The following SREBF2 variants were observed in gnomAD, a reference collection of about 807,000 sequenced individuals.
The protein encoded by SREBF2 is sterol regulatory element-binding protein 2.
Under a neutral mutation model 113.1 loss-of-function variants are expected in SREBF2, and 55 were observed. The ratio of observed to expected loss-of-function variants is 0.49; its 90% CI spans 0.39 to 0.61. SREBF2 has a LOEUF of 0.61. SREBF2 is among the 20% of genes least tolerant of loss of function. The pLI is 0.00. For synonymous variants in SREBF2, 593 were observed against 605.7 expected (o/e 0.98, Z 0.31); for missense variants, 1,349 against 1,487.4 (o/e 0.91, Z 1.53).
intron 10 of SREBF2, among the ~76,000 whole-genome samples, chr22:41,882,084 A>G (rs572912789): frequency 5.9e-5 from 9 of 152,094 alleles, no homozygotes; most frequent in Non-Finnish European, 1.3e-4. Flanking sequence ...GCAGATAAGG[A>G]GTGGATCCCA....
chr22:41,837,557 A>G (rs1333017020), intron 1 of SREBF2, among the ~76,000 whole-genome samples: 1 of 102,334 alleles, frequency 9.8e-6, no homozygotes, highest in East Asian at 2.5e-4. Context: ...GACTCTGTCT[A>G]AAAAAAAAAA....
intron 1 of SREBF2, among the ~76,000 whole-genome samples, chr22:41,851,775 A>G (rs1248101235): frequency 2.6e-5 from 4 of 151,088 alleles, no homozygotes; most frequent in Non-Finnish European, 5.9e-5. Context: ...TATTACAGGC[A>G]TGAGCCACCG....
chr22:41,892,123 A>C (rs2077369550), intron 11 of SREBF2, among the ~76,000 whole-genome samples: 2 of 152,110 alleles, frequency 1.3e-5, no homozygotes, highest in South Asian at 4.1e-4. Flanking sequence ...CCGCCCTTGC[A>C]GGGCCAGCTT....
At chr22:41,884,554 T>G (rs956575177) in intron 10 of SREBF2, among the ~76,000 whole-genome samples, 5 of 152,266 alleles carry the variant, frequency 3.3e-5, no homozygotes, top group Non-Finnish European at 5.9e-5. Flanking sequence ...GACATTGTTA[T>G]GTTGCACTGT....
At position 41,833,533 on chromosome 22, in the gene SREBF2, G is replaced by A; in HGVS notation, c.88+175G>A. On this transcript the variant is annotated intron_variant, in intron 1 of 18. Transcript: ENST00000361204. The surrounding 1 kb of genome is among the most constrained non-coding windows in gnomAD (Gnocchi z 4.1). ...CTTCCGGCGCTGCGAGCGTGAGCCC[G>A]ACCCAGCTGCGCCGCTCCGGGAGGC... is the stretch of plus-strand genomic sequence containing the variant. The A allele has an allele frequency of 2.0e-6, 1 of 511,550 alleles. No individual in the cohort carries two copies. Among genetic ancestry groups the A allele is most frequent in the Non-Finnish European group, 3.3e-6 (1 of 302,434 alleles). The allele number at this position is 511,550 out of a possible 1,614,324, so 31.7% of individuals were successfully genotyped here. A position where few individuals can be genotyped will look rare whatever the true frequency, so the allele number is the denominator to read the frequency against.
chr22:41,871,706 AC>A (rs2044456823), intron 4 of SREBF2, among the ~76,000 whole-genome samples: 2 of 151,830 alleles, frequency 1.3e-5, no homozygotes, highest in South Asian at 4.2e-4. Context: ...AGCCTGGCCA[AC>A]ACGGTGAAAC....
intron 9 of SREBF2, 34 bp from the exon 10 acceptor site, chr22:41,880,682 C>T: frequency 6.2e-7 from 1 of 1,614,026 alleles, no homozygotes; most frequent in Non-Finnish European, 8.5e-7. Context: ...CGGAGCAAGG[C>T]CAGTGACCAT....
At chr22:41,837,858 C>CAAAA (rs35054500) in intron 1 of SREBF2, among the ~76,000 whole-genome samples, 1 of 102,916 alleles carries the variant, frequency 9.7e-6, no homozygotes, top group Non-Finnish European at 1.8e-5. Flanking sequence ...GACTCTGTCT[C>CAAAA]AAAAAAAAAA....
chr22:41,872,513 G>A (rs2077154586), intron 4 of SREBF2, among the ~76,000 whole-genome samples: 2 of 152,046 alleles, frequency 1.3e-5, no homozygotes, highest in African/African-American at 2.4e-5. Flanking sequence ...TGTGCATGAC[G>A]TACTTATTGG....
At chr22:41,878,393 G>A (rs1448048140) in intron 9 of SREBF2, among the ~76,000 whole-genome samples, 3 of 152,144 alleles carry the variant, frequency 2.0e-5, no homozygotes, top group Admixed American at 6.5e-5. Flanking sequence ...GCCAAGAGTA[G>A]GAAGGAAGGG....
At chr22:41,857,911 C>G (rs1415091581) in intron 1 of SREBF2, among the ~76,000 whole-genome samples, 1 of 152,200 alleles carries the variant, frequency 6.6e-6, no homozygotes, top group East Asian at 1.9e-4. Flanking sequence ...CCCAGTTCCT[C>G]AGCTGCTCCT....
At chr22:41,845,165 G>A (rs2076865881) in intron 1 of SREBF2, among the ~76,000 whole-genome samples, 1 of 151,994 alleles carries the variant, frequency 6.6e-6, no homozygotes. Flanking sequence ...TCCTTACCTC[G>A]TGATCCACCT....
intron 13 of SREBF2, among the ~76,000 whole-genome samples, chr22:41,895,878 G>A (rs954854060): frequency 6.6e-6 from 1 of 151,676 alleles, no homozygotes; most frequent in African/African-American, 2.4e-5. Flanking sequence ...AGTGGCTCAC[G>A]TCTGTAATCC....
chr22:41,845,425 G>A (rs2076869069), intron 1 of SREBF2, among the ~76,000 whole-genome samples: 1 of 152,190 alleles, frequency 6.6e-6, no homozygotes, highest in South Asian at 2.1e-4. Flanking sequence ...GTCTGTCTAG[G>A]AGCCCCTTCT....
intron 18 of SREBF2, 49 bp from the exon 19 acceptor site, chr22:41,905,390 AC>A: frequency 1.3e-6 from 2 of 1,519,770 alleles, no homozygotes; most frequent in South Asian, 2.4e-5. Flanking sequence ...AAGGAACTGC[AC>A]CAACTTCATG....
At chr22:41,864,223 C>CATATATATAT (rs756489276) in intron 1 of SREBF2, among the ~76,000 whole-genome samples, 148 of 46,292 alleles carry the variant, frequency 3.2e-3, no homozygotes, top group Middle Eastern at 0.013. Flanking sequence ...CTTCTGCAAG[C>CATATATATAT]ATATATATAT....
chr22:41,898,512 G>C lies in SREBF2; in HGVS notation c.2606-137G>C. On this transcript the variant is annotated intron_variant, in intron 14 of 18. Coordinates refer to ENST00000361204, the MANE Select transcript of SREBF2 (RefSeq NM_004599.4). ...CCCTCCCCCAGAATCCTGGGTGTGG[G>C]AGCCCAGAGGCTGCTGGCCCGTTCC... 2.7e-6 allele frequency: 3 copies of C among 1,121,620 alleles called. No individual in the cohort carries two copies. The South Asian group carries it at 4.0e-5, about 15-fold the overall frequency. 69.5% of individuals were successfully genotyped at this position (1,121,620 alleles called of 1,614,324 possible).
chr22:41,874,586 AC>A (rs1169339049), intron 5 of SREBF2, among the ~76,000 whole-genome samples: 2 of 152,256 alleles, frequency 1.3e-5, no homozygotes, highest in Non-Finnish European at 2.9e-5. Flanking sequence ...TGAAAGCTGT[AC>A]ATCCTAAGTA....
chr22:41,884,771 G>C, intron 10 of SREBF2, 71 bp from the exon 11 acceptor site: 1 of 1,539,642 alleles, frequency 6.5e-7, no homozygotes, highest in Middle Eastern at 1.7e-4. Flanking sequence ...CTTTGATCGT[G>C]CTGGAGAGAG....
Sources: gnomAD v4.1 joint callset for allele counts (sites outside exome capture counted in the v4.1 genomes callset) on GRCh38, gnomAD v4.1.1 for gene constraint, Gnocchi (gnomAD v3.1) non-coding constraint, MANE v1.5 for transcripts, NCBI Gene and HGNC (gene_info 2026-07-23, HGNC 2026-07-21) for gene names.